Variants in SMPD2 observed in about 807,000 individuals in gnomAD.
SMPD2 encodes the protein sphingomyelin phosphodiesterase 2.
Under a neutral mutation model 41.7 loss-of-function variants are expected in SMPD2, and 35 were observed. The ratio of observed to expected loss-of-function variants is 0.84; its 90% CI spans 0.64 to 1.11. The LOEUF (loss-of-function observed/expected upper bound fraction) is 1.11, where lower values mean the gene tolerates loss of function less well. Among genes scored for constraint, SMPD2 ranks in the 50% most tolerant of loss-of-function variants. The pLI, the probability that SMPD2 is intolerant of heterozygous loss-of-function variation, is 0.00. For missense variants in SMPD2, 520 were observed against 524.8 expected (o/e 0.99, Z 0.09); for synonymous variants, 201 against 208.2 (o/e 0.97, Z 0.30).
Position 109,442,895 on chromosome 6 carries a change from G to C in SMPD2, c.624+11G>C, listed in dbSNP as rs764123865. On this transcript the variant is annotated intron_variant, in intron 7 of 9. Transcript: ENST00000258052. ...ACTCGGGACTTCAAGGTGAGGACTT[G>C]CCTGTTACTTCCCCACCTATATCCC... 6.2e-7 allele frequency: 1 copy of C among 1,611,420 alleles called. No individual in the cohort carries two copies. The highest frequency in any genetic ancestry group is 8.5e-7 in the Non-Finnish European group (1 of 1,177,700).
chr6:109,440,908 G>A lies in SMPD2; in HGVS notation c.-214G>A, dbSNP rs186985241. On this transcript the variant is annotated 5_prime_UTR_variant, in exon 1 of 10. Transcript: ENST00000258052. ...TTTCGGCAGCGGATCGCCTTTCCGG[G>A]TTGGCGGCCCGCCTGATTGGGAACA... is the stretch of plus-strand genomic sequence containing the variant. 3,781 of 570,592 alleles carry A rather than the reference G, an allele frequency of 6.6e-3. 25 individuals are homozygous for A. Among genetic ancestry groups the A allele is most frequent in the Admixed American group, 8.8e-3 (251 of 28,546 alleles). The allele number at this position is 570,592 out of a possible 1,614,324, so 35.3% of individuals were successfully genotyped here.
At chr6:109,441,910 G>A in intron 3 of SMPD2, 64 bp from the exon 4 acceptor site, 3 of 1,402,514 alleles carry the variant, frequency 2.1e-6, no homozygotes, top group Non-Finnish European at 3.0e-6. Flanking sequence ...GAAGACAAGG[G>A]AGGGGAAGAA....
intron 1 of SMPD2, 25 bp downstream of exon 1, chr6:109,441,196 C>T: frequency 6.2e-7 from 1 of 1,613,642 alleles, no homozygotes; most frequent in Non-Finnish European, 8.5e-7. Flanking sequence ...GGAGTGCGGT[C>T]TGGGGGCCAC....
At chr6:109,442,440 A>G (rs1774958808) in intron 5 of SMPD2, 103 bp from the exon 6 acceptor site, 2 of 1,349,048 alleles carry the variant, frequency 1.5e-6, no homozygotes, top group Non-Finnish European at 2.1e-6. Flanking sequence ...AGGCTTATCC[A>G]TTGTATACCA....
rs1427905149 is a variant in SMPD2, at chr6:109,442,071, AG to A, written c.318+6del. 1.2e-6 allele frequency: 2 copies of A among 1,608,504 alleles called. No individual in the cohort carries two copies. Among genetic ancestry groups the A allele is most frequent in the Non-Finnish European group, 1.7e-6 (2 of 1,174,840 alleles). ...TCTCAATGGCTACCCCTACATGGTA[AG>A]GCAGACCTTTGACCTCTTCCACCTC... On this transcript the variant is annotated splice_donor_5th_base_variant and intron_variant, in intron 4 of 9. Coordinates refer to ENST00000258052, the MANE Select transcript of SMPD2 (RefSeq NM_003080.3).
At chr6:109,441,475 C>G in intron 2 of SMPD2, 22 bp downstream of exon 2, 1 of 1,611,500 alleles carries the variant, frequency 6.2e-7, no homozygotes, top group Non-Finnish European at 8.5e-7. Flanking sequence ...CAGCACGGTG[C>G]GGAACCCAGG....
rs1424265370 is a variant in SMPD2, at chr6:109,441,611, T to G, written c.207T>G (p.Ala69=). ...LRQKLSPTYP[A]AHHFRSGIIG... ...AGAAGCTGTCACCTACCTACCCAGC[T>G]GCACACCACTTCCGGAGGTGAGAAG... The change falls in exon 3 of 10, where the codon GCT becomes GCG. Residue 69 remains alanine, a synonymous_variant. Coordinates refer to ENST00000258052, the MANE Select transcript of SMPD2 (RefSeq NM_003080.3). 1 of 1,614,200 alleles carries G rather than the reference T, an allele frequency of 6.2e-7. No individual in the cohort carries two copies. The highest frequency in any genetic ancestry group is 8.5e-7 in the Non-Finnish European group (1 of 1,180,024).
chr6:109,441,841 C>A (rs1310810773), intron 3 of SMPD2, 133 bp from the exon 4 acceptor site: 15 of 957,650 alleles, frequency 1.6e-5, no homozygotes, highest in Non-Finnish European at 2.2e-5. Flanking sequence ...AAGGCTGTCG[C>A]CTTGGTTCTA....
Position 109,442,901 on chromosome 6 carries a change from T to G in SMPD2, c.624+17T>G. The G allele has an allele frequency of 6.2e-7, 1 of 1,610,940 alleles. No individual in the cohort carries two copies. The highest frequency in any genetic ancestry group is 8.5e-7 in the Non-Finnish European group (1 of 1,177,244). ...GACTTCAAGGTGAGGACTTGCCTGT[T>G]ACTTCCCCACCTATATCCCCAGCTT... On this transcript the variant is annotated intron_variant, in intron 7 of 9. Coordinates refer to ENST00000258052, the MANE Select transcript of SMPD2 (RefSeq NM_003080.3).
In SMPD2 at chr6:109,440,948, G is replaced by C. The variant is rs1291262469; in HGVS notation, c.-174G>C. The stretch of plus-strand genomic sequence containing the variant: ...GATTGGGAACAGCCGGCCGGTTGCC[G>C]GGGGAACGCGGGAGTCGGGCCCGAC... On this transcript the variant is annotated 5_prime_UTR_variant, in exon 1 of 10. Transcript: ENST00000258052. 2 of 617,534 alleles carry C rather than the reference G, an allele frequency of 3.2e-6. No homozygotes were observed. The highest frequency in any genetic ancestry group is 2.0e-5 in the African/African-American group (1 of 51,162). 38.3% of individuals were successfully genotyped at this position (617,534 alleles called of 1,614,324 possible).
In SMPD2 at chr6:109,441,035, G is replaced by A; in HGVS notation, c.-87G>A. On this transcript the variant is annotated 5_prime_UTR_variant, in exon 1 of 10. Transcript: ENST00000258052. ...CGCCTGCGAAGAAGGAACGGTCTGG[G>A]GAGAAGGCGCCGCCGGCCGCCCCCG... is the stretch of plus-strand genomic sequence containing the variant. 1.4e-6 allele frequency: 2 copies of A among 1,398,946 alleles called. No individual in the cohort carries two copies. The highest frequency in any genetic ancestry group is 2.0e-6 in the Non-Finnish European group (2 of 989,692). The allele number at this position is 1,398,946 out of a possible 1,614,324, so 86.7% of individuals were successfully genotyped here. A position where few individuals can be genotyped will look rare whatever the true frequency, so the allele number is the denominator to read the frequency against.
intron 5 of SMPD2, 46 bp from the exon 6 acceptor site, chr6:109,442,496 CT>C (rs1562282477): frequency 6.5e-7 from 1 of 1,539,116 alleles, no homozygotes; most frequent in South Asian, 1.2e-5. Context: ...AGACATACCC[CT>C]GGGACCCTCA....
In SMPD2 at chr6:109,442,037, C is replaced by T; in HGVS notation, c.288C>T (p.His96=). The change falls in exon 4 of 10, where the codon CAC becomes CAT. Residue 96 remains histidine (H), a synonymous_variant. Coordinates refer to ENST00000258052, the MANE Select transcript of SMPD2 (RefSeq NM_003080.3). ...SKHPIQELTQ[H]IYTLNGYPYM... ...ATCCAATCCAGGAGCTTACCCAGCA[C>T]ATCTACACTCTCAATGGCTACCCCT... 1 of 1,613,222 alleles carries T rather than the reference C, an allele frequency of 6.2e-7. No individual in the cohort carries two copies. The highest frequency in any genetic ancestry group is 1.3e-5 in the African/African-American group (1 of 74,772).
chr6:109,442,257 G>C lies in SMPD2; in HGVS notation c.366G>C (p.Val122=). The change falls in exon 5 of 10, where the codon GTG becomes GTC. Residue 122 remains valine (V), a synonymous_variant. Coordinates refer to ENST00000258052, the MANE Select transcript of SMPD2 (RefSeq NM_003080.3). ...GTGGGAAGGCTGTGGGGCTGCTGGT[G>C]CTCCATCTAAGTGGCATGGTGCTCA... The part of the protein sequence containing the change: ...WFSGKAVGLL[V]LHLSGMVLNA... 1 of 1,614,182 alleles carries C rather than the reference G, an allele frequency of 6.2e-7. No individual in the cohort carries two copies. Among genetic ancestry groups the C allele is most frequent in the Non-Finnish European group, 8.5e-7 (1 of 1,180,022 alleles).
At chr6:109,441,268 G>A (rs1383144008) in intron 1 of SMPD2, 89 bp from the exon 2 acceptor site, 5 of 1,593,222 alleles carry the variant, frequency 3.1e-6, no homozygotes, top group Admixed American at 1.7e-5. Flanking sequence ...CAGGGTGTAG[G>A]GAAAACCCGA....
rs1290261160 is a variant in SMPD2, at chr6:109,443,239, GCTT to G, written c.730-25_730-23del. ...TCTGGGAAGAGGCCCTCATATATAA[GCTT>G]CTCTCTGGCCCTTACTTTTCCTAGG... On this transcript the variant is annotated intron_variant, in intron 8 of 9. Coordinates refer to ENST00000258052, the MANE Select transcript of SMPD2 (RefSeq NM_003080.3). The G allele has an allele frequency of 1.9e-6, 3 of 1,612,906 alleles. No individual in the cohort carries two copies. In the Admixed American group the frequency reaches 5.0e-5, roughly 27 times the overall value.
intron 2 of SMPD2, 25 bp downstream of exon 2, chr6:109,441,478 A>C: frequency 6.2e-7 from 1 of 1,612,672 alleles, no homozygotes; most frequent in South Asian, 1.1e-5. Context: ...CACGGTGCGG[A>C]ACCCAGGCTG....
Position 109,441,161 on chromosome 6 carries a change from C to T in SMPD2, c.40C>T (p.Leu14Phe). ...CTCCCTGCGACTGCGGATCTTCAACCTCAACTGCTGGTGAGTGCGTCTGCG... is the reference window on the plus strand; with the variant it reads ...CTCCCTGCGACTGCGGATCTTCAACTTCAACTGCTGGTGAGTGCGTCTGCG... Reference protein sequence around the residue: ...NFSLRLRIFNLNCWGIPYLSK... With the variant: ...NFSLRLRIFNFNCWGIPYLSK... The change falls in exon 1 of 10, where the codon CTC becomes TTC. Residue 14 changes from leucine to phenylalanine, a missense_variant. By Grantham distance (22) the Leu-to-Phe change is conservative. Coordinates refer to ENST00000258052, the MANE Select transcript of SMPD2 (RefSeq NM_003080.3). 1.9e-6 allele frequency: 3 copies of T among 1,614,190 alleles called. No homozygotes were observed. The highest frequency in any genetic ancestry group is 2.5e-6 in the Non-Finnish European group (3 of 1,179,994).
rs1444050412 is a variant in SMPD2 at position 109,442,214 on chromosome 6, A to C, written c.323A>C (p.His108Pro). Residue 108 changes from histidine (H) to proline (P), a missense_variant, in exon 5 of 10, where the codon CAT becomes CCT. Transcript: ENST00000258052. ...YTLNGYPYMI[H>P]HGDWFSGKAV... ...TCTATCTCCTCCTGCCTGCAGATCCATCATGGTGACTGGTTCAGTGGGAAG... is the reference window on the plus strand; with the variant it reads ...TCTATCTCCTCCTGCCTGCAGATCCCTCATGGTGACTGGTTCAGTGGGAAG... 1 of 1,614,166 alleles carries C rather than the reference A, an allele frequency of 6.2e-7. No individual in the cohort carries two copies. The highest frequency in any genetic ancestry group is 8.5e-7 in the Non-Finnish European group (1 of 1,180,012).
Sources: gnomAD v4.1 joint callset for allele counts on GRCh38, gnomAD v4.1.1 for gene constraint, MANE v1.5 for transcripts, NCBI Gene and HGNC (gene_info 2026-07-23, HGNC 2026-07-21) for gene names.